The following PTPRG variants were observed in gnomAD, a reference collection of about 807,000 sequenced individuals.
PTPRG encodes protein tyrosine phosphatase receptor type G.
Under a neutral mutation model 165.3 loss-of-function variants are expected in PTPRG, and 102 were observed. The observed-to-expected ratio is 0.62, with a 90% confidence interval of 0.53 to 0.73. The LOEUF (loss-of-function observed/expected upper bound fraction) is 0.73. Ranked by LOEUF, PTPRG falls within the 30% of genes least tolerant of loss-of-function variation. The pLI is 0.00. For synonymous variants in PTPRG, 675 were observed against 669.5 expected (o/e 1.01, Z -0.13); for missense variants, 1,866 against 1,861.4 (o/e 1.00, Z -0.05).
At chr3:62,121,910 C>T (rs1301648530) in intron 5 of PTPRG, among the ~76,000 whole-genome samples, 3 of 152,224 alleles carry the variant, frequency 2.0e-5, no homozygotes, top group African/African-American at 7.2e-5. Context: ...TTCTATCAAT[C>T]AAGGCCTGCC....
Position 62,293,448 on chromosome 3 carries a change from C to A in PTPRG, c.*141C>A. The A allele has an allele frequency of 1.4e-6, 1 of 722,250 alleles. No homozygotes were observed. Among genetic ancestry groups the A allele is most frequent in the Non-Finnish European group, 2.1e-6 (1 of 473,932 alleles). The allele number at this position is 722,250 out of a possible 1,614,324, so 44.7% of individuals were successfully genotyped here. Reference sequence around the variant, plus strand: ...AAAAGTTTTGATATTTATTTTTTGCCATTTTATGTCTTAATGGTATCCTAC... The same window carrying A: ...AAAAGTTTTGATATTTATTTTTTGCAATTTTATGTCTTAATGGTATCCTAC... On this transcript the variant is annotated 3_prime_UTR_variant, in exon 30 of 30. Coordinates refer to ENST00000474889, the MANE Select transcript of PTPRG (RefSeq NM_002841.4).
At chr3:62,094,661 T>TG (rs1298048741) in intron 5 of PTPRG, among the ~76,000 whole-genome samples, 3 of 152,220 alleles carry the variant, frequency 2.0e-5, no homozygotes, top group African/African-American at 7.2e-5. Context: ...CCTGCTGAGT[T>TG]GCTCAGTACC....
At chr3:62,284,628 C>T (rs1702569456) in intron 28 of PTPRG, among the ~76,000 whole-genome samples, 1 of 152,114 alleles carries the variant, frequency 6.6e-6, no homozygotes, top group Non-Finnish European at 1.5e-5. Context: ...ATCTTACCTA[C>T]TTTCTGTACC....
chr3:61,830,862 C>T (rs1361354974), intron 2 of PTPRG, among the ~76,000 whole-genome samples: 2 of 152,224 alleles, frequency 1.3e-5, no homozygotes, highest in Admixed American at 1.3e-4. Context: ...GCATGGGCCA[C>T]TGCGCCCTGC....
intron 1 of PTPRG, among the ~76,000 whole-genome samples, chr3:61,622,845 A>AT (rs1255006679): frequency 2.0e-5 from 3 of 152,218 alleles, no homozygotes; most frequent in African/African-American, 7.2e-5. Context: ...ATTAAGTGCC[A>AT]TAGTCACTTC....
At chr3:61,883,976 G>T (rs528069294) in intron 2 of PTPRG, among the ~76,000 whole-genome samples, 1 of 152,114 alleles carries the variant, frequency 6.6e-6, no homozygotes, top group Non-Finnish European at 1.5e-5. Flanking sequence ...TTGGCCTTCC[G>T]AAGTGTTGGG....
intron 2 of PTPRG, among the ~76,000 whole-genome samples, chr3:61,888,577 C>T (rs538957878): frequency 9.7e-4 from 148 of 152,230 alleles, no homozygotes; most frequent in African/African-American, 3.3e-3. Context: ...GCGATCCGCC[C>T]GCCTTGGCCT....
intron 1 of PTPRG, among the ~76,000 whole-genome samples, chr3:61,652,010 A>AAT (rs140303764): frequency 0.045 from 6,861 of 151,686 alleles, 227 homozygotes; most frequent in East Asian, 0.17. Flanking sequence ...ACTTCATCTC[A>AAT]ATATATATAT....
intron 1 of PTPRG, among the ~76,000 whole-genome samples, chr3:61,602,298 A>G (rs748753788): frequency 1.8e-4 from 28 of 152,066 alleles, no homozygotes; most frequent in Non-Finnish European, 3.8e-4. Flanking sequence ...ATTAAACAAG[A>G]AGGAAAAAAT....
intron 5 of PTPRG, among the ~76,000 whole-genome samples, chr3:62,103,326 C>G (rs1576006355): frequency 7.4e-6 from 1 of 134,894 alleles, no homozygotes; most frequent in African/African-American, 2.9e-5. Context: ...ATGAAATACT[C>G]TCAACCCTCA....
At chr3:61,765,481 C>G (rs1424859611) in intron 2 of PTPRG, among the ~76,000 whole-genome samples, 1 of 152,092 alleles carries the variant, frequency 6.6e-6, no homozygotes, top group Non-Finnish European at 1.5e-5. Context: ...CTTAGTATTG[C>G]TAACCATGAA....
intron 8 of PTPRG, among the ~76,000 whole-genome samples, chr3:62,171,245 G>A (rs924040410): frequency 6.6e-6 from 1 of 152,116 alleles, no homozygotes; most frequent in Non-Finnish European, 1.5e-5. Context: ...TGAATATGTG[G>A]ATATATCTCT....
At chr3:62,176,331 CAG>C (rs1211999680) in intron 8 of PTPRG, among the ~76,000 whole-genome samples, 1 of 152,086 alleles carries the variant, frequency 6.6e-6, no homozygotes, top group East Asian at 1.9e-4. Context: ...GTCTAACGTT[CAG>C]AGAGGGTAAG....
intron 2 of PTPRG, among the ~76,000 whole-genome samples, chr3:61,956,289 C>CTCTG (rs1553696750): frequency 9.4e-6 from 1 of 106,038 alleles, no homozygotes; most frequent in East Asian, 3.0e-4. Flanking sequence ...CTCTCTCTCT[C>CTCTG]TCTCTCACAC....
At chr3:61,622,392 G>T (rs1252132209) in intron 1 of PTPRG, among the ~76,000 whole-genome samples, 1 of 151,890 alleles carries the variant, frequency 6.6e-6, no homozygotes, top group Non-Finnish European at 1.5e-5. Flanking sequence ...AACAGAAGTT[G>T]GTACATTTCT....
At chr3:61,934,946 G>T (rs1161279710) in intron 2 of PTPRG, among the ~76,000 whole-genome samples, 1 of 152,162 alleles carries the variant, frequency 6.6e-6, no homozygotes, top group Admixed American at 6.5e-5. Context: ...ATGAATGAAT[G>T]AAATGGAGTT....
chr3:62,092,707 G>C (rs1701984670), intron 5 of PTPRG, among the ~76,000 whole-genome samples: 1 of 152,174 alleles, frequency 6.6e-6, no homozygotes, highest in Admixed American at 6.5e-5. Flanking sequence ...CTACCTTGGA[G>C]GGTCATTTTG....
intron 3 of PTPRG, among the ~76,000 whole-genome samples, chr3:62,000,866 T>C (rs1199141132): frequency 6.6e-6 from 1 of 152,244 alleles, no homozygotes; most frequent in Non-Finnish European, 1.5e-5. Flanking sequence ...TTCCTGGCCC[T>C]GGATCATCTG....
intron 4 of PTPRG, among the ~76,000 whole-genome samples, chr3:62,070,333 T>G (rs543600555): frequency 6.6e-6 from 1 of 152,336 alleles, no homozygotes; most frequent in East Asian, 1.9e-4. Context: ...CCTTCATTCT[T>G]TCAATATCTT....
Sources: gnomAD v4.1 joint callset for allele counts (sites outside exome capture counted in the v4.1 genomes callset) on GRCh38, gnomAD v4.1.1 for gene constraint, MANE v1.5 for transcripts, NCBI Gene and HGNC (gene_info 2026-07-23, HGNC 2026-07-21) for gene names.